The following PKNOX2 variants were observed in gnomAD, a reference collection of about 807,000 sequenced individuals.
PKNOX2 encodes the protein PBX/knotted 1 homeobox 2.
PKNOX2 carries 14 observed loss-of-function variants against 53.1 expected under a neutral mutation model. The ratio of observed to expected loss-of-function variants is 0.26; its 90% confidence interval spans 0.17 to 0.41. The LOEUF (loss-of-function observed/expected upper bound fraction) is 0.41. PKNOX2 is among the 10% of genes least tolerant of loss of function. PKNOX2 has a pLI of 1.00. For missense variants in PKNOX2, 496 were observed against 602.8 expected (o/e 0.82, Z 1.85); for synonymous variants, 257 against 242.8 (o/e 1.06, Z -0.54).
At chr11:125,414,197 A>T (rs377734801) in intron 10 of PKNOX2, among the ~76,000 whole-genome samples, 1 of 152,174 alleles carries the variant, frequency 6.6e-6, no homozygotes. Context: ...GAAGAGAGGA[A>T]GTAGTAGCTG....
chr11:125,372,047 C>T (rs971381227), intron 5 of PKNOX2, among the ~76,000 whole-genome samples: 2 of 152,200 alleles, frequency 1.3e-5, no homozygotes, highest in Non-Finnish European at 2.9e-5. Flanking sequence ...TCCCCAGCAC[C>T]TTACATGATA....
rs533829051 is a variant in PKNOX2 at position 125,410,103 on chromosome 11, G to A, written c.589-93G>A. The stretch of plus-strand genomic sequence containing the variant: ...GGAGCTAGAAGGAGGGAGGGGGGCA[G>A]GCAGGAAGGGGAAAGGACGGAAGAG... On this transcript the variant is annotated intron_variant, in intron 7 of 12. Transcript: ENST00000298282. 1.8e-4 allele frequency: 268 copies of A among 1,496,902 alleles called. 4 individuals are homozygous for A. In the African/African-American group the frequency reaches 3.4e-3, roughly 19 times the overall value. The allele number at this position is 1,496,902 out of a possible 1,614,324, so 92.7% of individuals were successfully genotyped here.
intron 1 of PKNOX2, among the ~76,000 whole-genome samples, chr11:125,198,984 A>G (rs617325): frequency 0.71 from 108,182 of 151,722 alleles, 38,730 homozygotes; most frequent in African/African-American, 0.77. Flanking sequence ...GGGGTTACAG[A>G]TACCCACTAC....
At chr11:125,302,896 C>T (rs1202216273) in intron 2 of PKNOX2, among the ~76,000 whole-genome samples, 1 of 152,222 alleles carries the variant, frequency 6.6e-6, no homozygotes, top group Non-Finnish European at 1.5e-5. Flanking sequence ...CCAGCCAGTG[C>T]AGTGGTGTGC....
intron 1 of PKNOX2, among the ~76,000 whole-genome samples, chr11:125,206,197 G>A (rs1939085963): frequency 6.6e-6 from 1 of 151,998 alleles, no homozygotes; most frequent in Non-Finnish European, 1.5e-5. Context: ...CGGTGGGGGG[G>A]AGAACCGAGA....
intron 2 of PKNOX2, among the ~76,000 whole-genome samples, chr11:125,301,355 A>G (rs1390917265): frequency 6.6e-6 from 1 of 151,914 alleles, no homozygotes; most frequent in Non-Finnish European, 1.5e-5. Context: ...ATAGGACTCT[A>G]CCCAAAGACT....
chr11:125,407,022 G>A (rs559572620), intron 7 of PKNOX2, among the ~76,000 whole-genome samples: 3 of 151,088 alleles, frequency 2.0e-5, no homozygotes, highest in South Asian at 4.2e-4. Flanking sequence ...CCAGACCTCC[G>A]GGATGCCAAA....
chr11:125,340,717 T>A (rs986150335), intron 3 of PKNOX2, among the ~76,000 whole-genome samples: 1 of 152,188 alleles, frequency 6.6e-6, no homozygotes, highest in African/African-American at 2.4e-5. Context: ...CTGCTGGGAC[T>A]CAAAGGGTTA....
intron 2 of PKNOX2, among the ~76,000 whole-genome samples, chr11:125,248,679 T>C (rs1943744681): frequency 6.7e-6 from 1 of 148,536 alleles, no homozygotes; most frequent in Non-Finnish European, 1.5e-5. Flanking sequence ...ATACATGTTA[T>C]GTATGTTATA....
intron 7 of PKNOX2, among the ~76,000 whole-genome samples, chr11:125,400,253 C>T (rs76071782): frequency 0.03 from 4,551 of 152,106 alleles, 190 homozygotes; most frequent in African/African-American, 0.089. Context: ...CAAACTTGTC[C>T]CTGCATTTTC....
intron 2 of PKNOX2, among the ~76,000 whole-genome samples, chr11:125,293,470 A>C (rs565112578): frequency 6.6e-6 from 1 of 152,112 alleles, no homozygotes; most frequent in African/African-American, 2.4e-5. Flanking sequence ...TGTTACTTGA[A>C]TTTCTTTCTT....
intron 6 of PKNOX2, among the ~76,000 whole-genome samples, chr11:125,394,803 G>A (rs1039707506): frequency 3.9e-5 from 6 of 152,154 alleles, no homozygotes; most frequent in East Asian, 3.9e-4. Flanking sequence ...CGCTCCTAGC[G>A]GTTACATTTA....
intron 2 of PKNOX2, among the ~76,000 whole-genome samples, chr11:125,287,346 C>T (rs1946971117): frequency 6.6e-6 from 1 of 152,204 alleles, no homozygotes; most frequent in Non-Finnish European, 1.5e-5. Context: ...AGGTGAACCC[C>T]AGCTCCACTA....
At chr11:125,336,240 C>G (rs1419280188) in intron 3 of PKNOX2, among the ~76,000 whole-genome samples, 1 of 152,104 alleles carries the variant, frequency 6.6e-6, no homozygotes, top group East Asian at 1.9e-4. Context: ...TCACCTCTCC[C>G]CACAAGGCTC....
At position 125,165,507 on chromosome 11, in the gene PKNOX2, G is replaced by C. The variant is rs563634587; in HGVS notation, c.-201+731G>C. Among the ~76,000 whole-genome samples the C allele has an allele frequency of 2.6e-3, 399 of 152,266 alleles. 1 individual carries two copies. Among genetic ancestry groups the C allele is most frequent in the African/African-American group, 9.0e-3 (374 of 41,564 alleles). On this transcript the variant is annotated intron_variant, in intron 1 of 12. Coordinates refer to ENST00000298282, the MANE Select transcript of PKNOX2 (RefSeq NM_001382323.2). This position sits in a 1 kb window ranked among gnomAD's most constrained non-coding sequence, Gnocchi z 4.5. ...TGGAGGCGGGAGCGGTCCCAGGCTGGGGCCAGGTGACCGGAGGAGTCGAGG... is the reference window on the plus strand; with the variant it reads ...TGGAGGCGGGAGCGGTCCCAGGCTGCGGCCAGGTGACCGGAGGAGTCGAGG...
chr11:125,353,918 AG>A (rs551144936), intron 4 of PKNOX2, among the ~76,000 whole-genome samples: 240 of 144,972 alleles, frequency 1.7e-3, no homozygotes, highest in African/African-American at 5.6e-3. Context: ...GAGCTAGGGC[AG>A]GGGTGGAGTG....
intron 1 of PKNOX2, among the ~76,000 whole-genome samples, chr11:125,193,458 C>T (rs534452084): frequency 1.5e-4 from 23 of 152,244 alleles, no homozygotes; most frequent in African/African-American, 4.8e-4. Context: ...CCATTTAAAG[C>T]GAGCCTTCTG....
At chr11:125,180,605 T>C (rs1262290844) in intron 1 of PKNOX2, among the ~76,000 whole-genome samples, 1 of 152,160 alleles carries the variant, frequency 6.6e-6, no homozygotes, top group African/African-American at 2.4e-5. Flanking sequence ...GGAGCCAGAA[T>C]GAGAACCAAA....
chr11:125,220,815 C>A (rs1425692683), intron 1 of PKNOX2, among the ~76,000 whole-genome samples: 4 of 152,134 alleles, frequency 2.6e-5, no homozygotes, highest in Non-Finnish European at 5.9e-5. Context: ...GGGTGGAGGC[C>A]CAACCAGTAG....
Sources: allele counts gnomAD v4.1 joint callset (sites outside exome capture counted in the v4.1 genomes callset), GRCh38; gene constraint gnomAD v4.1.1; non-coding constraint Gnocchi (gnomAD v3.1); transcripts MANE v1.5; gene names NCBI Gene and HGNC (gene_info 2026-07-23, HGNC 2026-07-21).